The following ICA1 variants were observed in gnomAD, a reference collection of about 807,000 sequenced individuals.
ICA1 encodes islet cell autoantigen 1.
Under a neutral mutation model 71.0 loss-of-function variants are expected in ICA1, and 40 were observed. The observed-to-expected ratio is 0.56, with a 90% CI of 0.44 to 0.73. ICA1 has a LOEUF of 0.73. ICA1 is among the 30% of genes least tolerant of loss of function. The probability of loss-of-function intolerance (pLI) is 0.00; values close to 1 mark genes in which losing one functional copy is unlikely to be tolerated. For missense variants in ICA1, 578 were observed against 576.5 expected, an observed-to-expected ratio of 1.00 and a Z score of -0.03; for synonymous variants, 207 against 209.5, an observed-to-expected ratio of 0.99 and a Z score of 0.10.
chr7:8,182,826 A>AGT (rs1782626182), intron 6 of ICA1, among the ~76,000 whole-genome samples: 4 of 152,180 alleles, frequency 2.6e-5, no homozygotes, highest in African/African-American at 7.2e-5. Context: ...TTTTTAAAGA[A>AGT]AACCCACTGT....
chr7:8,242,970 C>T (rs1318295789), intron 1 of ICA1, among the ~76,000 whole-genome samples: 4 of 152,102 alleles, frequency 2.6e-5, no homozygotes, highest in African/African-American at 7.2e-5. Context: ...GATTCACAGC[C>T]GAATTCTACC....
chr7:8,253,463 T>A (rs765439701), intron 1 of ICA1, among the ~76,000 whole-genome samples: 1 of 152,176 alleles, frequency 6.6e-6, no homozygotes, highest in Non-Finnish European at 1.5e-5. Context: ...ATACAATATG[T>A]ATCCACAAAT....
chr7:8,167,141 G>A (rs866640199), intron 6 of ICA1, among the ~76,000 whole-genome samples: 1 of 152,198 alleles, frequency 6.6e-6, no homozygotes, highest in Admixed American at 6.5e-5. Context: ...CCAAAGGAAT[G>A]TAAATCATTC....
rs73674820 is a variant in ICA1, at chr7:8,119,189, G to A, written c.1331-5145C>T. Reference sequence around the variant, plus strand: ...GCAGCTTTATGCTCTTCGATCCTATGGTCCTCTGACAGAGTTCCTGGAGGG... The same window carrying A: ...GCAGCTTTATGCTCTTCGATCCTATAGTCCTCTGACAGAGTTCCTGGAGGG... On this transcript the variant is annotated intron_variant, in intron 13 of 13. Transcript: ENST00000402384. Among the ~76,000 whole-genome samples, 10 of 152,116 alleles carry A rather than the reference G, an allele frequency of 6.6e-5. No homozygotes were observed. The South Asian group carries it at 2.1e-3, about 32-fold the overall frequency.
chr7:8,148,696 G>C (rs935740274), intron 8 of ICA1, among the ~76,000 whole-genome samples: 2 of 152,072 alleles, frequency 1.3e-5, no homozygotes, highest in African/African-American at 4.8e-5. Flanking sequence ...ACATTTTCAA[G>C]GGACATCACC....
At chr7:8,186,427 G>A (rs553269549) in intron 6 of ICA1, among the ~76,000 whole-genome samples, 12 of 152,292 alleles carry the variant, frequency 7.9e-5, no homozygotes, top group South Asian at 4.1e-4. Context: ...GGTTCTGAAC[G>A]ACAGGCTGAG....
At chr7:8,154,847 A>G (rs1176545745) in intron 8 of ICA1, among the ~76,000 whole-genome samples, 1 of 152,222 alleles carries the variant, frequency 6.6e-6, no homozygotes, top group African/African-American at 2.4e-5. Flanking sequence ...GTGGCATACA[A>G]AACAATATGC....
At chr7:8,151,668 C>G (rs939814038) in intron 8 of ICA1, among the ~76,000 whole-genome samples, 1 of 152,212 alleles carries the variant, frequency 6.6e-6, no homozygotes, top group African/African-American at 2.4e-5. Context: ...AAGCAAGTAA[C>G]TACAGAGCCA....
At chr7:8,186,274 G>A (rs1324018179) in intron 6 of ICA1, among the ~76,000 whole-genome samples, 12 of 152,228 alleles carry the variant, frequency 7.9e-5, no homozygotes, top group Non-Finnish European at 1.5e-5. Context: ...TCTGAGTGAA[G>A]AGGGCATCAT....
At chr7:8,152,135 C>T (rs1799020038) in intron 8 of ICA1, among the ~76,000 whole-genome samples, 1 of 152,088 alleles carries the variant, frequency 6.6e-6, no homozygotes, top group African/African-American at 2.4e-5. Context: ...AGCTGAAGGA[C>T]AGGTTTGGGA....
intron 1 of ICA1, among the ~76,000 whole-genome samples, chr7:8,247,978 T>A (rs1806703643): frequency 6.6e-6 from 1 of 152,188 alleles, no homozygotes; most frequent in South Asian, 2.1e-4. Context: ...AGGCAGCAAC[T>A]TGGTAAAACT....
At chr7:8,125,037 C>T (rs1234549025) in intron 13 of ICA1, among the ~76,000 whole-genome samples, 2 of 152,170 alleles carry the variant, frequency 1.3e-5, no homozygotes, top group Non-Finnish European at 2.9e-5. Context: ...CATCTGCCCA[C>T]CTCCGCCTCC....
At chr7:8,240,435 G>A (rs1411769170) in intron 1 of ICA1, among the ~76,000 whole-genome samples, 1 of 152,006 alleles carries the variant, frequency 6.6e-6, no homozygotes, top group African/African-American at 2.4e-5. Flanking sequence ...AAAGACCAAG[G>A]GTAGATAAAA....
chr7:8,152,716 C>CTTCCACCA (rs1799591390), intron 8 of ICA1, among the ~76,000 whole-genome samples: 9 of 116,018 alleles, frequency 7.8e-5, no homozygotes, highest in Non-Finnish European at 1.2e-4. Flanking sequence ...ACCATCACCT[C>CTTCCACCA]CTCCACCATC....
intron 13 of ICA1, among the ~76,000 whole-genome samples, chr7:8,121,945 G>C (rs148060377): frequency 3.5e-4 from 54 of 152,298 alleles, no homozygotes; most frequent in Middle Eastern, 3.4e-3. Context: ...AATAAGTTAA[G>C]GGGAGAGGAG....
intron 6 of ICA1, among the ~76,000 whole-genome samples, chr7:8,201,399 A>C (rs958543858): frequency 6.6e-5 from 10 of 152,280 alleles, no homozygotes; most frequent in African/African-American, 2.4e-4. Context: ...AAAGGAAGGG[A>C]CAAATCCTGC....
chr7:8,208,191 A>C (rs539419722), intron 6 of ICA1, among the ~76,000 whole-genome samples: 1 of 152,302 alleles, frequency 6.6e-6, no homozygotes, highest in South Asian at 2.1e-4. Context: ...TTTTACGTAA[A>C]AGTGGCAATC....
At chr7:8,142,241 C>T (rs1795495651) in intron 9 of ICA1, among the ~76,000 whole-genome samples, 2 of 152,214 alleles carry the variant, frequency 1.3e-5, no homozygotes, top group African/African-American at 2.4e-5. Context: ...CAGGACCACT[C>T]ATAAATCCAG....
chr7:8,118,794 TC>T, intron 13 of ICA1, among the ~76,000 whole-genome samples: 1 of 152,194 alleles, frequency 6.6e-6, no homozygotes, highest in African/African-American at 2.4e-5. Flanking sequence ...ATGCCACCTT[TC>T]CCCTAACCCC....
Sources: gnomAD v4.1 joint callset for allele counts (sites outside exome capture counted in the v4.1 genomes callset) on GRCh38, gnomAD v4.1.1 for gene constraint, MANE v1.5 for transcripts, NCBI Gene and HGNC (gene_info 2026-07-23, HGNC 2026-07-21) for gene names.